P2RX7: variants seen among roughly 807,000 people sequenced by gnomAD.
P2RX7 encodes P2X purinoceptor 7.
In P2RX7, 62 loss-of-function variants were observed where a neutral mutation model predicts 71.6. That is an observed-to-expected ratio of 0.87 (90% CI 0.71 to 1.07). The LOEUF (loss-of-function observed/expected upper bound fraction) is 1.07. P2RX7 is among the 50% of genes least tolerant of loss of function. The probability of loss-of-function intolerance (pLI) is 0.00; values close to 1 mark genes in which losing one functional copy is unlikely to be tolerated. For synonymous variants in P2RX7, 299 were observed against 283.3 expected (o/e 1.06, Z -0.56); for missense variants, 686 against 748.5 (o/e 0.92, Z 0.97).
chr12:121,159,417 C>CAA (rs397850013), intron 3 of P2RX7, among the ~76,000 whole-genome samples: 8,456 of 65,284 alleles, frequency 0.13, 502 homozygotes, highest in East Asian at 0.31. Flanking sequence ...ACTCTGTCTC[C>CAA]AAAAAAAAAA....
At chr12:121,147,786 A>G (rs1026087359) in intron 1 of P2RX7, among the ~76,000 whole-genome samples, 2 of 151,824 alleles carry the variant, frequency 1.3e-5, no homozygotes, top group Admixed American at 6.6e-5. Flanking sequence ...TAATTTTTGT[A>G]TTTTTAGTAG....
At chr12:121,160,684 C>A (rs12813980) in intron 3 of P2RX7, among the ~76,000 whole-genome samples, 7,460 of 152,280 alleles carry the variant, frequency 0.049, 223 homozygotes, top group South Asian at 0.081. Context: ...TTGCTTCATC[C>A]TTCTTATGGC....
At position 121,157,933 on chromosome 12, in the gene P2RX7, T is replaced by C. The variant is rs547799161; in HGVS notation, c.363+1786T>C. Among the ~76,000 whole-genome samples the C allele has an allele frequency of 5.3e-4, 80 of 152,338 alleles. No homozygotes were observed. In the South Asian group the frequency reaches 0.014, roughly 27 times the overall value. ...TGAATGTCAGTTGTTATGATTCAAA[T>C]GACATGTTACTCCTCAGATAGGATG... On this transcript the variant is annotated intron_variant, in intron 3 of 12. Transcript: ENST00000328963.
Position 121,165,262 on chromosome 12 carries a change from C to T in P2RX7, c.534-95C>T, listed in dbSNP as rs1593093142. 8 of 913,882 alleles carry T rather than the reference C, an allele frequency of 8.8e-6. No individual in the cohort carries two copies. In the Admixed American group the frequency reaches 1.3e-4, roughly 15 times the overall value. 56.6% of individuals were successfully genotyped at this position (913,882 alleles called of 1,614,324 possible). A position where few individuals can be genotyped will look rare whatever the true frequency, so the allele number is the denominator to read the frequency against. On this transcript the variant is annotated intron_variant, in intron 5 of 12. Coordinates refer to ENST00000328963, the MANE Select transcript of P2RX7 (RefSeq NM_002562.6). ...ATTTCTCTTCATGTATCCCAAAGAC[C>T]AAGCCAAGAAACCAGAAGCCTCTGG...
intron 1 of P2RX7, chr12:121,148,975 C>T: frequency 2.1e-6 from 1 of 470,874 alleles, no homozygotes; most frequent in East Asian, 5.6e-5. Flanking sequence ...AGGCTCAGCC[C>T]TTTGATGTTA....
chr12:121,152,067 C>T (rs1877538044), intron 1 of P2RX7, among the ~76,000 whole-genome samples: 1 of 151,932 alleles, frequency 6.6e-6, no homozygotes, highest in Non-Finnish European at 1.5e-5. Context: ...GCAACCTCCA[C>T]CTCCCCGGTT....
intron 1 of P2RX7, among the ~76,000 whole-genome samples, chr12:121,138,123 G>C (rs770923649): frequency 6.6e-6 from 1 of 152,162 alleles, no homozygotes; most frequent in Non-Finnish European, 1.5e-5. Flanking sequence ...CCCAACTTGC[G>C]TTAACCACAA....
intron 8 of P2RX7, among the ~76,000 whole-genome samples, chr12:121,173,440 C>T (rs867491236): frequency 8.5e-5 from 13 of 152,142 alleles, no homozygotes; most frequent in African/African-American, 3.1e-4. Context: ...CCTACCTTGG[C>T]CTCCCAAAGT....
chr12:121,162,501 G>A lies in P2RX7; in HGVS notation c.514G>A (p.Ala172Thr). The change falls in exon 5 of 13, where the codon GCA becomes ACA. Residue 172 changes from alanine (A) to threonine (T), a missense_variant. Physicochemically the swap from Ala to Thr is moderately conservative, Grantham distance 58. Coordinates refer to ENST00000328963, the MANE Select transcript of P2RX7 (RefSeq NM_002562.6). ...CEVSAWCPIE[A>T]VEEAPRPALL... is the part of the protein sequence containing the mutation. Reference sequence around the variant, plus strand: ...AGTCTCTGCCTGGTGCCCCATCGAGGCAGTGGAAGAGGCCCCCCGGTGAGT... The same window carrying A: ...AGTCTCTGCCTGGTGCCCCATCGAGACAGTGGAAGAGGCCCCCCGGTGAGT... The A allele has an allele frequency of 6.2e-7, 1 of 1,613,390 alleles. No homozygotes were observed. The highest frequency in any genetic ancestry group is 8.5e-7 in the Non-Finnish European group (1 of 1,180,010).
intron 1 of P2RX7, among the ~76,000 whole-genome samples, chr12:121,133,844 G>A (rs1030010509): frequency 9.2e-5 from 14 of 152,066 alleles, no homozygotes; most frequent in African/African-American, 3.1e-4. Context: ...GGCACTTAGC[G>A]TGTTTTCAAT....
chr12:121,166,287 CT>C, intron 7 of P2RX7, 100 bp downstream of exon 7: 1 of 1,262,278 alleles, frequency 7.9e-7, no homozygotes, highest in Non-Finnish European at 1.1e-6. Flanking sequence ...CATAATGTGG[CT>C]CACATTTACT....
At chr12:121,163,738 T>C (rs1430499393) in intron 5 of P2RX7, among the ~76,000 whole-genome samples, 1 of 152,124 alleles carries the variant, frequency 6.6e-6, no homozygotes, top group African/African-American at 2.4e-5. Flanking sequence ...GGTTACAGGT[T>C]TGAGCCATTG....
chr12:121,159,756 G>T (rs1401003815), intron 3 of P2RX7, among the ~76,000 whole-genome samples: 4 of 152,124 alleles, frequency 2.6e-5, no homozygotes, highest in Admixed American at 2.6e-4. Context: ...AGACCCAGCT[G>T]GTCTCATTTT....
chr12:121,163,814 T>G (rs1045631688), intron 5 of P2RX7, among the ~76,000 whole-genome samples: 1 of 152,104 alleles, frequency 6.6e-6, no homozygotes, highest in Non-Finnish European at 1.5e-5. Context: ...GGCTACCATA[T>G]TGGACAGCGC....
At chr12:121,181,591 C>T (rs536980330) in intron 12 of P2RX7, among the ~76,000 whole-genome samples, 28 of 152,072 alleles carry the variant, frequency 1.8e-4, no homozygotes, top group Non-Finnish European at 4.4e-5. Flanking sequence ...CATGGTGGCT[C>T]ATGCCTGTAA....
intron 5 of P2RX7, among the ~76,000 whole-genome samples, chr12:121,163,597 GTAGATAGA>G (rs3078807): frequency 0.38 from 49,147 of 129,598 alleles, 8,392 homozygotes; most frequent in South Asian, 0.5. Flanking sequence ...AGATAGACAG[GTAGATAGA>G]TAGATAGATA....
intron 11 of P2RX7, among the ~76,000 whole-genome samples, chr12:121,179,869 G>A (rs557967530): frequency 9.4e-4 from 142 of 150,558 alleles, no homozygotes; most frequent in African/African-American, 3.3e-3. Flanking sequence ...ATGGGGTTCC[G>A]CCTGGCGTGG....
intron 3 of P2RX7, among the ~76,000 whole-genome samples, chr12:121,156,775 C>A (rs911375808): frequency 3.9e-5 from 6 of 152,160 alleles, no homozygotes; most frequent in Non-Finnish European, 5.9e-5. Flanking sequence ...CTGCCACCAC[C>A]CCAGACAATC....
chr12:121,166,302 C>A, intron 7 of P2RX7, 115 bp downstream of exon 7: 1 of 1,137,406 alleles, frequency 8.8e-7, no homozygotes, highest in Non-Finnish European at 1.3e-6. Flanking sequence ...ATTTACTGAG[C>A]ATTTAGTAAA....
Sources: allele counts gnomAD v4.1 joint callset (sites outside exome capture counted in the v4.1 genomes callset), GRCh38; gene constraint gnomAD v4.1.1; transcripts MANE v1.5; gene names NCBI Gene and HGNC (gene_info 2026-07-23, HGNC 2026-07-21).